ADGRL3: variants seen among roughly 807,000 people sequenced by gnomAD.
ADGRL3 encodes calcium-independent alpha-latrotoxin receptor 3.
ADGRL3 carries 62 observed loss-of-function variants against 153.5 expected under a neutral mutation model. That is an observed-to-expected ratio of 0.40 (90% CI 0.33 to 0.50). The LOEUF (loss-of-function observed/expected upper bound fraction) is 0.50, where lower values mean the gene tolerates loss of function less well. Among genes scored for constraint, ADGRL3 ranks in the 20% least tolerant of loss-of-function variants. ADGRL3 has a pLI of 0.47. For synonymous variants in ADGRL3, 710 were observed against 672.5 expected (o/e 1.06, Z -0.86); for missense variants, 1,641 against 1,859.4 (o/e 0.88, Z 2.16).
At chr4:61,612,457 T>C (rs2091478549) in intron 5 of ADGRL3, among the ~76,000 whole-genome samples, 2 of 152,174 alleles carry the variant, frequency 1.3e-5, no homozygotes, top group Admixed American at 1.3e-4. Flanking sequence ...AATATACACC[T>C]TTTAGTTATT....
chr4:61,291,409 A>AGGT (rs2094193407), intron 1 of ADGRL3, among the ~76,000 whole-genome samples: 1 of 151,870 alleles, frequency 6.6e-6, no homozygotes, highest in Non-Finnish European at 1.5e-5. Context: ...AATTATCTAG[A>AGGT]GGTGACAAAG....
intron 4 of ADGRL3, among the ~76,000 whole-genome samples, chr4:61,571,371 G>T (rs1037167844): frequency 1.3e-5 from 2 of 151,474 alleles, no homozygotes; most frequent in Non-Finnish European, 2.9e-5. Flanking sequence ...AAATTAGCTT[G>T]GTATGGTGAC....
intron 2 of ADGRL3, among the ~76,000 whole-genome samples, chr4:61,388,894 G>A (rs2096771480): frequency 6.6e-6 from 1 of 152,118 alleles, no homozygotes; most frequent in South Asian, 2.1e-4. Context: ...CATTTAAAAT[G>A]GAAACTGTTT....
intron 14 of ADGRL3, among the ~76,000 whole-genome samples, 154 bp from the exon 15 acceptor site, chr4:61,935,769 C>A (rs1190034596): frequency 6.6e-6 from 1 of 151,916 alleles, no homozygotes; most frequent in Non-Finnish European, 1.5e-5. Flanking sequence ...TGATAAAATA[C>A]TAACAATATA....
chr4:61,869,055 A>G (rs1391210370), intron 9 of ADGRL3, among the ~76,000 whole-genome samples: 2 of 151,978 alleles, frequency 1.3e-5, no homozygotes, highest in African/African-American at 2.4e-5. Context: ...TGATCCTCCC[A>G]CTTCAGCATC....
intron 5 of ADGRL3, among the ~76,000 whole-genome samples, chr4:61,653,708 T>G (rs904265900): frequency 2.6e-5 from 4 of 152,170 alleles, no homozygotes; most frequent in Admixed American, 1.3e-4. Context: ...AAACAGAGTT[T>G]TAAGATAACC....
At chr4:61,293,189 G>A (rs1280398056) in intron 1 of ADGRL3, among the ~76,000 whole-genome samples, 2 of 152,108 alleles carry the variant, frequency 1.3e-5, no homozygotes, top group Non-Finnish European at 2.9e-5. Flanking sequence ...TGAGTGTATT[G>A]AGAGGAAAAG....
chr4:61,442,539 A>G (rs1346737456), intron 2 of ADGRL3, among the ~76,000 whole-genome samples: 1 of 152,184 alleles, frequency 6.6e-6, no homozygotes, highest in Non-Finnish European at 1.5e-5. Flanking sequence ...CATCTAGAAG[A>G]GAAGGTCATG....
At chr4:61,646,662 A>T (rs2094002807) in intron 5 of ADGRL3, among the ~76,000 whole-genome samples, 1 of 151,988 alleles carries the variant, frequency 6.6e-6, no homozygotes, top group Admixed American at 6.6e-5. Context: ...GTGCTGGGAG[A>T]ACCACTGCCC....
intron 5 of ADGRL3, among the ~76,000 whole-genome samples, chr4:61,631,520 A>G (rs1441240520): frequency 6.6e-6 from 1 of 152,196 alleles, no homozygotes; most frequent in Non-Finnish European, 1.5e-5. Flanking sequence ...ACGATTAGTA[A>G]ATGCTAAGGT....
intron 1 of ADGRL3, among the ~76,000 whole-genome samples, chr4:61,260,394 G>T (rs72633462): frequency 6.6e-6 from 1 of 152,130 alleles, no homozygotes; most frequent in Non-Finnish European, 1.5e-5. Context: ...ATAATGAAAT[G>T]GATAGAGTCT....
chr4:61,573,680 C>T (rs886912405), intron 4 of ADGRL3, among the ~76,000 whole-genome samples: 1 of 151,884 alleles, frequency 6.6e-6, no homozygotes, highest in Non-Finnish European at 1.5e-5. Context: ...GTCTTTGGAG[C>T]ATCTTTGGAC....
intron 1 of ADGRL3, among the ~76,000 whole-genome samples, chr4:61,297,012 C>A (rs1055858281): frequency 6.6e-6 from 1 of 152,038 alleles, no homozygotes; most frequent in African/African-American, 2.4e-5. Flanking sequence ...TTGACACTTC[C>A]CCTACTCCAA....
At position 62,044,444 on chromosome 4, in the gene ADGRL3, C is replaced by T. The variant is rs1003593601; in HGVS notation, c.3718-9C>T. On this transcript the variant is annotated splice_polypyrimidine_tract_variant and intron_variant, in intron 24 of 26. Transcript: ENST00000683033. ...AGTTCATTTTCTTTCTGCCTTTTCCCCCACCCAGAGCCGAATCCGTAGAAT... is the reference window on the plus strand; with the variant it reads ...AGTTCATTTTCTTTCTGCCTTTTCCTCCACCCAGAGCCGAATCCGTAGAAT... 1.9e-6 allele frequency: 3 copies of T among 1,573,712 alleles called. No homozygotes were observed. Among genetic ancestry groups the T allele is most frequent in the African/African-American group, 2.7e-5 (2 of 73,780 alleles).
chr4:61,385,017 A>T (rs1017475136), intron 2 of ADGRL3, among the ~76,000 whole-genome samples: 1 of 152,258 alleles, frequency 6.6e-6, no homozygotes, highest in South Asian at 2.1e-4. Context: ...AATATAGTTT[A>T]AAAAACAGTG....
intron 9 of ADGRL3, among the ~76,000 whole-genome samples, chr4:61,852,191 TA>T (rs560916108): frequency 6.2e-4 from 95 of 152,282 alleles, no homozygotes; most frequent in African/African-American, 2.2e-3. Context: ...TCTGCTTAGT[TA>T]ACACTGATAT....
intron 1 of ADGRL3, among the ~76,000 whole-genome samples, chr4:61,359,924 ATGT>A (rs2096256871): frequency 6.6e-6 from 1 of 151,948 alleles, no homozygotes; most frequent in Admixed American, 6.6e-5. Context: ...TATTATGATG[ATGT>A]TATTGATTTT....
intron 4 of ADGRL3, among the ~76,000 whole-genome samples, chr4:61,567,909 G>A (rs550275676): frequency 1.3e-5 from 2 of 152,240 alleles, no homozygotes; most frequent in South Asian, 4.2e-4. Context: ...CTCACCATCT[G>A]AATATTTAAT....
At chr4:61,741,459 CT>C (rs1412526776) in intron 8 of ADGRL3, among the ~76,000 whole-genome samples, 2 of 152,192 alleles carry the variant, frequency 1.3e-5, no homozygotes, top group Non-Finnish European at 2.9e-5. Context: ...AGAGGAGCCC[CT>C]TCTTTTTCTT....
Sources: allele counts gnomAD v4.1 joint callset (sites outside exome capture counted in the v4.1 genomes callset), GRCh38; gene constraint gnomAD v4.1.1; transcripts MANE v1.5; gene names NCBI Gene and HGNC (gene_info 2026-07-23, HGNC 2026-07-21).